Variants in FAM184A observed in about 807,000 individuals in gnomAD.
FAM184A encodes the protein family with sequence similarity 184 member A.
Under a neutral mutation model 143.8 loss-of-function variants are expected in FAM184A, and 99 were observed. The observed-to-expected ratio is 0.69, with a 90% CI of 0.58 to 0.81. The LOEUF is 0.81. FAM184A is among the 40% of genes least tolerant of loss of function. The pLI is 0.00. For synonymous variants in FAM184A, 427 were observed against 446.4 expected (o/e 0.96, Z 0.55); for missense variants, 1,217 against 1,310.5 (o/e 0.93, Z 1.10).
intron 7 of FAM184A, 77 bp from the exon 8 acceptor site, chr6:119,003,699 C>G: frequency 7.2e-7 from 1 of 1,388,786 alleles, no homozygotes. Context: ...AAGTAAAGTG[C>G]TTGTATTAAA....
At chr6:118,995,242 A>AC (rs1169015198) in intron 9 of FAM184A, among the ~76,000 whole-genome samples, 1 of 151,916 alleles carries the variant, frequency 6.6e-6, no homozygotes, top group Non-Finnish European at 1.5e-5. Flanking sequence ...CATGGTGAAA[A>AC]CCTGTATCTA....
At chr6:119,014,432 C>A (rs1028602651) in intron 5 of FAM184A, among the ~76,000 whole-genome samples, 2 of 152,176 alleles carry the variant, frequency 1.3e-5, no homozygotes, top group Non-Finnish European at 2.9e-5. Flanking sequence ...TTCTACTCTG[C>A]AATTCTGTCT....
intron 1 of FAM184A, among the ~76,000 whole-genome samples, chr6:119,039,379 G>A (rs1786233450): frequency 6.6e-6 from 1 of 152,320 alleles, no homozygotes; most frequent in South Asian, 2.1e-4. Flanking sequence ...AATCTCAAAA[G>A]TAAGGCGTCC....
intron 1 of FAM184A, among the ~76,000 whole-genome samples, chr6:119,027,550 T>C (rs1279853764): frequency 6.6e-6 from 1 of 152,078 alleles, no homozygotes; most frequent in Non-Finnish European, 1.5e-5. Context: ...AACATGGAAA[T>C]AAAGGAAAAC....
At chr6:118,996,926 T>C (rs917373755) in intron 9 of FAM184A, among the ~76,000 whole-genome samples, 7 of 150,914 alleles carry the variant, frequency 4.6e-5, no homozygotes, top group East Asian at 2.0e-4. Context: ...GGTTTCTCTA[T>C]GTTGGCCGGG....
rs576950783 is a variant in FAM184A, at chr6:119,014,856, C to T, written c.1530+1891G>A. On this transcript the variant is annotated intron_variant, in intron 5 of 17. Coordinates refer to ENST00000338891, the MANE Select transcript of FAM184A (RefSeq NM_024581.6). ...GGAGGATCACTTGAGGTCAGGAGTT[C>T]GAGACCAGCCTGGCCAACATGGTGA... is the stretch of plus-strand genomic sequence containing the variant. Among the ~76,000 whole-genome samples the T allele has an allele frequency of 6.6e-5, 10 of 152,098 alleles. No homozygotes were observed. In the South Asian group the frequency reaches 1.5e-3, roughly 22 times the overall value.
At chr6:119,053,942 G>A (rs762191656) in intron 1 of FAM184A, among the ~76,000 whole-genome samples, 1 of 152,092 alleles carries the variant, frequency 6.6e-6, no homozygotes, top group Non-Finnish European at 1.5e-5. Flanking sequence ...TTCTCAGCAG[G>A]CACTACACAT....
intron 1 of FAM184A, among the ~76,000 whole-genome samples, chr6:119,099,068 C>A (rs1452311185): frequency 6.6e-6 from 1 of 152,182 alleles, no homozygotes; most frequent in Non-Finnish European, 1.5e-5. Flanking sequence ...CGAGATCATG[C>A]CATTGCACTC....
chr6:119,091,889 C>G (rs1426117411), intron 1 of FAM184A, among the ~76,000 whole-genome samples: 7 of 152,158 alleles, frequency 4.6e-5, no homozygotes, highest in African/African-American at 1.7e-4. Flanking sequence ...TGAGCCAATA[C>G]AGTTGGGGCC....
chr6:119,070,714 G>A (rs1787652898), intron 1 of FAM184A, among the ~76,000 whole-genome samples: 1 of 151,848 alleles, frequency 6.6e-6, no homozygotes, highest in Non-Finnish European at 1.5e-5. Flanking sequence ...TCCCATAGGT[G>A]TCTATCTCCA....
At chr6:119,062,579 C>T (rs570998132) in intron 1 of FAM184A, among the ~76,000 whole-genome samples, 4 of 152,094 alleles carry the variant, frequency 2.6e-5, no homozygotes, top group South Asian at 2.1e-4. Context: ...GGATCACCTG[C>T]GCCTGGAAAG....
intron 1 of FAM184A, among the ~76,000 whole-genome samples, chr6:119,124,186 T>C (rs1257533330): frequency 6.6e-6 from 1 of 152,242 alleles, no homozygotes; most frequent in Non-Finnish European, 1.5e-5. Flanking sequence ...AAAGGATTTT[T>C]ATCTTTTGTT....
intron 1 of FAM184A, among the ~76,000 whole-genome samples, chr6:119,064,235 T>C (rs1257222950): frequency 6.6e-6 from 1 of 152,200 alleles, no homozygotes; most frequent in Non-Finnish European, 1.5e-5. Flanking sequence ...TTAACTAAAT[T>C]ACTACCTACA....
At chr6:119,138,593 CTTATTATTATTATTATTATTATTATTA>C (rs141615745) in intron 1 of FAM184A, among the ~76,000 whole-genome samples, 36 of 148,180 alleles carry the variant, frequency 2.4e-4, no homozygotes, top group African/African-American at 7.2e-4. Flanking sequence ...CGCTCTTTCA[CTTATTATTATTATTATTATTATTATTA>C]TTATTATTAT....
intron 1 of FAM184A, among the ~76,000 whole-genome samples, chr6:119,120,280 G>C (rs1789177346): frequency 1.3e-5 from 2 of 152,158 alleles, no homozygotes; most frequent in Admixed American, 1.3e-4. Flanking sequence ...ATGGTATTCT[G>C]TATCTTTCAG....
At chr6:119,102,886 C>T (rs909189817) in intron 1 of FAM184A, among the ~76,000 whole-genome samples, 5 of 151,524 alleles carry the variant, frequency 3.3e-5, no homozygotes, top group Admixed American at 3.3e-4. Context: ...GACAGACCTG[C>T]CAGGAAATGC....
intron 1 of FAM184A, among the ~76,000 whole-genome samples, chr6:119,140,348 C>T (rs1219585837): frequency 6.6e-6 from 1 of 152,164 alleles, no homozygotes; most frequent in Non-Finnish European, 1.5e-5. Context: ...ATCAGATTTG[C>T]TTCTTCAGTG....
At chr6:118,965,087 G>A (rs1254651805) in intron 15 of FAM184A, among the ~76,000 whole-genome samples, 2 of 152,116 alleles carry the variant, frequency 1.3e-5, no homozygotes, top group Admixed American at 1.3e-4. Context: ...TACATTCATG[G>A]GGCTCTGGGC....
At position 119,064,351 on chromosome 6, in the gene FAM184A, T is replaced by C. The variant is rs569354216; in HGVS notation, c.159+13790A>G. On this transcript the variant is annotated intron_variant, in intron 1 of 17. Transcript: ENST00000338891. The stretch of plus-strand genomic sequence containing the variant: ...TAACCTGACTGCTTCTCTCCTCATA[T>C]GCTCAACCATGGTCCTCTCCAAAGG... Among the ~76,000 whole-genome samples the C allele has an allele frequency of 2.4e-4, 37 of 152,348 alleles. No individual in the cohort carries two copies. In the South Asian group the frequency reaches 7.2e-3, roughly 30 times the overall value.
Sources: gnomAD v4.1 joint callset for allele counts (sites outside exome capture counted in the v4.1 genomes callset) on GRCh38, gnomAD v4.1.1 for gene constraint, MANE v1.5 for transcripts, NCBI Gene and HGNC (gene_info 2026-07-23, HGNC 2026-07-21) for gene names.